The following DZIP1 variants were observed in gnomAD, a reference collection of about 807,000 sequenced individuals.
DZIP1 encodes the protein cilium assembly protein DZIP1.
DZIP1 carries 97 observed loss-of-function variants against 107.6 expected under a neutral mutation model. The observed-to-expected ratio is 0.90, with a 90% CI of 0.77 to 1.07. The LOEUF (loss-of-function observed/expected upper bound fraction) is 1.07. Ranked by LOEUF, DZIP1 falls within the 50% of genes least tolerant of loss-of-function variation. The pLI, the probability that DZIP1 is intolerant of heterozygous loss-of-function variation, is 0.00. For missense variants in DZIP1, 1,035 were observed against 1,063.6 expected (o/e 0.97, Z 0.37); for synonymous variants, 390 against 386.4 (o/e 1.01, Z -0.11).
chr13:95,601,312 C>T (rs546247635), intron 14 of DZIP1, among the ~76,000 whole-genome samples: 47 of 152,246 alleles, frequency 3.1e-4, no homozygotes, highest in African/African-American at 1.0e-3. Flanking sequence ...CCTGCTTGTG[C>T]TTTGTAAGCC....
Position 95,589,791 on chromosome 13 carries a change from T to G in DZIP1, c.1973+12A>C. 1.2e-6 allele frequency: 2 copies of G among 1,611,046 alleles called. No individual in the cohort carries two copies. Among genetic ancestry groups the G allele is most frequent in the Non-Finnish European group, 8.5e-7 (1 of 1,178,816 alleles). On this transcript the variant is annotated intron_variant, in intron 18 of 22. Coordinates refer to ENST00000376829, the MANE Select transcript of DZIP1 (RefSeq NM_198968.4). The stretch of plus-strand genomic sequence containing the variant: ...ACACTGATAAAATAAATCTGAGGGC[T>G]GAAATACTCACTTTGGAACAGATGT...
chr13:95,596,491 C>A (rs1397960989), intron 15 of DZIP1, among the ~76,000 whole-genome samples: 1 of 152,158 alleles, frequency 6.6e-6, no homozygotes, highest in Non-Finnish European at 1.5e-5. Context: ...CATGAGTATA[C>A]TAGAAACAGC....
chr13:95,616,175 T>C (rs1875037669), intron 10 of DZIP1, among the ~76,000 whole-genome samples: 1 of 152,172 alleles, frequency 6.6e-6, no homozygotes, highest in Non-Finnish European at 1.5e-5. Context: ...TTAGCTGCCA[T>C]AGATAAAATA....
rs979276638 is a variant in DZIP1, at chr13:95,581,878, A to C, written c.*356T>G. The C allele has an allele frequency of 5.2e-5, 9 of 171,452 alleles. No individual in the cohort carries two copies. Among genetic ancestry groups the C allele is most frequent in the Non-Finnish European group, 1.1e-4 (9 of 81,100 alleles). 10.6% of individuals were successfully genotyped at this position (171,452 alleles called of 1,614,324 possible). On this transcript the variant is annotated 3_prime_UTR_variant, in exon 23 of 23. Transcript: ENST00000376829. Reference sequence around the variant, plus strand: ...ATATTTTTTAAAGTTTTAGTAATTCAAACCAAAACATGCTGTAAGTTTAAA... The same window carrying C: ...ATATTTTTTAAAGTTTTAGTAATTCCAACCAAAACATGCTGTAAGTTTAAA...
chr13:95,633,722 A>C (rs111993496), intron 5 of DZIP1, among the ~76,000 whole-genome samples: 1 of 150,364 alleles, frequency 6.7e-6, no homozygotes, highest in East Asian at 2.0e-4. Context: ...CTGAAGCACT[A>C]CCTCTTGGGC....
At chr13:95,619,519 C>T (rs1361531318) in intron 10 of DZIP1, among the ~76,000 whole-genome samples, 2 of 152,292 alleles carry the variant, frequency 1.3e-5, no homozygotes, top group Non-Finnish European at 2.9e-5. Context: ...ACCAATGCAT[C>T]GTAAAACCTT....
At chr13:95,594,139 A>C (rs763885171) in intron 15 of DZIP1, 53 bp from the exon 16 acceptor site, 12 of 1,439,800 alleles carry the variant, frequency 8.3e-6, no homozygotes, top group Non-Finnish European at 1.1e-5. Context: ...AAATACATCA[A>C]AAATCTCTAA....
chr13:95,617,856 A>G (rs1299776988), intron 10 of DZIP1: 6 of 515,008 alleles, frequency 1.2e-5, no homozygotes, highest in Middle Eastern at 3.4e-4. Context: ...GCAACAGGAA[A>G]GTACAGAAGA....
rs1186035967 is a variant in DZIP1, at chr13:95,597,219, T to C, written c.1537+2146A>G. On this transcript the variant is annotated intron_variant, in intron 15 of 22. Coordinates refer to ENST00000376829, the MANE Select transcript of DZIP1 (RefSeq NM_198968.4). Reference sequence around the variant, plus strand: ...GAAGTTACAAGACCACTCTGGGTGATGGTGGACAATCATGATTCCTATAGG... The same window carrying C: ...GAAGTTACAAGACCACTCTGGGTGACGGTGGACAATCATGATTCCTATAGG... 7.9e-5 allele frequency among the ~76,000 whole-genome samples: 12 copies of C among 152,342 alleles called. No homozygotes were observed. In the South Asian group the frequency reaches 2.5e-3, roughly 32 times the overall value.
chr13:95,583,719 A>G (rs2044069392), intron 22 of DZIP1, among the ~76,000 whole-genome samples: 1 of 152,206 alleles, frequency 6.6e-6, no homozygotes, highest in African/African-American at 2.4e-5. Flanking sequence ...AGGGAAACAG[A>G]CTAATACAGA....
chr13:95,606,088 G>A (rs1397121801), intron 13 of DZIP1, 29 bp from the exon 14 acceptor site: 2 of 1,611,242 alleles, frequency 1.2e-6, no homozygotes, highest in African/African-American at 2.7e-5. Context: ...GAAAAACTCA[G>A]AGGTTCCATA....
intron 14 of DZIP1, among the ~76,000 whole-genome samples, chr13:95,601,652 C>T (rs1435294055): frequency 2.0e-5 from 3 of 152,192 alleles, no homozygotes; most frequent in Non-Finnish European, 4.4e-5. Flanking sequence ...GCAGGCAAAG[C>T]CCCTAAGCCC....
At chr13:95,634,389 A>G (rs75063586) in intron 5 of DZIP1, among the ~76,000 whole-genome samples, 1 of 150,896 alleles carries the variant, frequency 6.6e-6, no homozygotes, top group Non-Finnish European at 1.5e-5. Flanking sequence ...ACGTTTGTGT[A>G]CTTCACTTGT....
At chr13:95,600,586 TAGATGATAGATAGATA>T (rs1292611194) in intron 14 of DZIP1, among the ~76,000 whole-genome samples, 12 of 146,418 alleles carry the variant, frequency 8.2e-5, no homozygotes, top group Non-Finnish European at 1.7e-4. Context: ...GATAGATAGA[TAGATGATAGATAGATA>T]GATAGATAGA....
chr13:95,619,288 T>C (rs1013003029), intron 10 of DZIP1, among the ~76,000 whole-genome samples: 3 of 152,120 alleles, frequency 2.0e-5, no homozygotes, highest in African/African-American at 7.2e-5. Flanking sequence ...ATATATGAGG[T>C]TCTACACTTA....
At chr13:95,584,585 T>C in intron 22 of DZIP1, 151 bp downstream of exon 22, 1 of 1,398,084 alleles carries the variant, frequency 7.2e-7, no homozygotes, top group Non-Finnish European at 9.3e-7. Context: ...GAGTTATGCA[T>C]ATCCAATCCT....
chr13:95,582,577 A>ATC (rs1208167872), intron 22 of DZIP1, among the ~76,000 whole-genome samples: 2 of 152,126 alleles, frequency 1.3e-5, no homozygotes, highest in Middle Eastern at 3.2e-3. Context: ...CAGGGACCAC[A>ATC]TCCTGCTTCC....
chr13:95,627,458 T>C (rs1349573434), intron 7 of DZIP1, among the ~76,000 whole-genome samples: 4 of 151,962 alleles, frequency 2.6e-5, no homozygotes, highest in Admixed American at 6.5e-5. Context: ...AACAACCCAA[T>C]TAAAAAATGG....
In DZIP1 at chr13:95,641,730, G is replaced by C; in HGVS notation, c.162C>G (p.Pro54=). Residue 54 remains proline (P), a synonymous_variant, in exon 5 of 23, where the codon CCC becomes CCG. Transcript: ENST00000376829. This position sits in a 1 kb window ranked among gnomAD's most constrained non-coding sequence, Gnocchi z 4.3. Reference sequence around the variant, plus strand: ...GCGGCCTGAACTGGAAGAAGGGCAGGGGCCCCGAAGCCGCGCTGGGGGGCG... The same window carrying C: ...GCGGCCTGAACTGGAAGAAGGGCAGCGGCCCCGAAGCCGCGCTGGGGGGCG... The part of the protein sequence containing the change: ...ACAPPSAASG[P]LPFFQFRPRL... 6.3e-7 allele frequency: 1 copy of C among 1,596,364 alleles called. No homozygotes were observed. The highest frequency in any genetic ancestry group is 8.5e-7 in the Non-Finnish European group (1 of 1,176,728).
Sources: allele counts gnomAD v4.1 joint callset (sites outside exome capture counted in the v4.1 genomes callset), GRCh38; gene constraint gnomAD v4.1.1; non-coding constraint Gnocchi (gnomAD v3.1); transcripts MANE v1.5; gene names NCBI Gene and HGNC (gene_info 2026-07-23, HGNC 2026-07-21).